Variants in SEMA4D observed in about 807,000 individuals in gnomAD.
The protein encoded by SEMA4D is semaphorin 4D, also known as semaphorin-4D.
In SEMA4D, 22 loss-of-function variants were observed where a neutral mutation model predicts 74.8. That is an observed-to-expected ratio of 0.29 (90% CI 0.21 to 0.42). The LOEUF (loss-of-function observed/expected upper bound fraction) is 0.42, where lower values mean the gene tolerates loss of function less well. Ranked by LOEUF, SEMA4D falls within the 10% of genes least tolerant of loss-of-function variation. The probability of loss-of-function intolerance (pLI) is 1.00; values close to 1 mark genes in which losing one functional copy is unlikely to be tolerated. For synonymous variants in SEMA4D, 445 were observed against 463.7 expected (o/e 0.96, Z 0.52); for missense variants, 937 against 1,118.4 (o/e 0.84, Z 2.31).
At chr9:89,450,343 G>GAC (rs1269553014) in intron 2 of SEMA4D, 1 of 941,764 alleles carries the variant, frequency 1.1e-6, no homozygotes, top group Non-Finnish European at 1.8e-6. Flanking sequence ...ATGAAAACTT[G>GAC]ACATGCCTTC....
At chr9:89,408,072 C>G (rs1843692053) in intron 2 of SEMA4D, among the ~76,000 whole-genome samples, 1 of 152,270 alleles carries the variant, frequency 6.6e-6, no homozygotes, top group African/African-American at 2.4e-5. Flanking sequence ...ACATTTGCAG[C>G]TCCTTGCCAT....
intron 2 of SEMA4D, among the ~76,000 whole-genome samples, chr9:89,427,287 TAC>T (rs1848307885): frequency 1.3e-5 from 2 of 152,170 alleles, no homozygotes; most frequent in African/African-American, 2.4e-5. Flanking sequence ...CCTAAAATGA[TAC>T]AGTCAGTCAC....
At position 89,450,660 on chromosome 9, in the gene SEMA4D, G is replaced by GGAAAAAAAAAA. The variant is rs1491451024; in HGVS notation, c.-244+5227_-244+5228insTTTTTTTTTTC. The GGAAAAAAAAAA allele has an allele frequency of 9.3e-4, 401 of 430,292 alleles. 43 individuals are homozygous for GGAAAAAAAAAA. The highest frequency in any genetic ancestry group is 2.2e-3 in the Middle Eastern group (3 of 1,364). 26.7% of individuals were successfully genotyped at this position (430,292 alleles called of 1,614,324 possible). A position where few individuals can be genotyped will look rare whatever the true frequency, so the allele number is the denominator to read the frequency against. ...GAGTTCTGCAAGTCGAAAAACCCAG[G>GGAAAAAAAAAA]AAAAAAAAAAAAAAAAAAAAAAAAA... On this transcript the variant is annotated intron_variant, in intron 2 of 15. Coordinates refer to ENST00000422704, the MANE Select transcript of SEMA4D (RefSeq NM_001371194.2).
chr9:89,476,168 C>A (rs1009513394), intron 1 of SEMA4D, among the ~76,000 whole-genome samples: 3 of 152,182 alleles, frequency 2.0e-5, no homozygotes, highest in Admixed American at 6.5e-5. Context: ...GATCTCTGGG[C>A]AAGAATAACA....
chr9:89,408,409 G>C (rs1268599399), intron 2 of SEMA4D, among the ~76,000 whole-genome samples: 2 of 152,162 alleles, frequency 1.3e-5, no homozygotes, highest in South Asian at 2.1e-4. Context: ...ACATAAGAAA[G>C]GATGGTAACA....
At position 89,442,522 on chromosome 9, in the gene SEMA4D, G is replaced by A. The variant is rs1851896715; in HGVS notation, c.-244+13366C>T. Among the ~76,000 whole-genome samples the A allele has an allele frequency of 2.6e-5, 4 of 152,260 alleles. No homozygotes were observed. In the South Asian group the frequency reaches 8.3e-4, roughly 32 times the overall value. On this transcript the variant is annotated intron_variant, in intron 2 of 15. Transcript: ENST00000422704. ...AGCAGCAAGGAGGGGAGGAGGGGTG[G>A]GCGCCATCTGAAACCATGCATAAAA...
At chr9:89,369,971 ATG>A (rs1268914769) in intron 16 of SEMA4D, among the ~76,000 whole-genome samples, 1 of 150,956 alleles carries the variant, frequency 6.6e-6, no homozygotes, top group African/African-American at 2.4e-5. Context: ...TGTGTGCAGT[ATG>A]TGTGGTGGTG....
rs1355567028 is a variant in SEMA4D at position 89,492,485 on chromosome 9, C to G, written c.-310+5434G>C. Among the ~76,000 whole-genome samples, 1 of 152,138 alleles carries G rather than the reference C, an allele frequency of 6.6e-6. No individual in the cohort carries two copies. The highest frequency in any genetic ancestry group is 1.5e-5 in the Non-Finnish European group (1 of 68,018). ...AGGGTCCCAGCTCAGAGCACTCCCC[C>G]AAACTCCAGATCCCTTCCTCCAACT... is the stretch of plus-strand genomic sequence containing the variant. On this transcript the variant is annotated intron_variant, in intron 1 of 15. Coordinates refer to ENST00000422704, the MANE Select transcript of SEMA4D (RefSeq NM_001371194.2). This position sits in a 1 kb window ranked among gnomAD's most constrained non-coding sequence, Gnocchi z 4.3.
At chr9:89,462,459 G>A (rs866782021) in intron 1 of SEMA4D, among the ~76,000 whole-genome samples, 8 of 152,164 alleles carry the variant, frequency 5.3e-5, no homozygotes, top group East Asian at 1.9e-4. Context: ...GCAGGCAACC[G>A]GCTGATAAAA....
chr9:89,472,463 G>T, intron 1 of SEMA4D: 1 of 165,296 alleles, frequency 6.0e-6, no homozygotes, highest in South Asian at 5.2e-5. Context: ...CCTAAACACT[G>T]AGAAGCACCC....
At chr9:89,436,155 T>C (rs1178305332) in intron 2 of SEMA4D, among the ~76,000 whole-genome samples, 1 of 152,226 alleles carries the variant, frequency 6.6e-6, no homozygotes, top group Non-Finnish European at 1.5e-5. Context: ...TTTCCTCTGG[T>C]TGTCCAGAAG....
At chr9:89,408,531 C>A (rs929547833) in intron 2 of SEMA4D, among the ~76,000 whole-genome samples, 1 of 152,222 alleles carries the variant, frequency 6.6e-6, no homozygotes, top group African/African-American at 2.4e-5. Context: ...TCCTTTCTCC[C>A]GTTCCATGTG....
intron 2 of SEMA4D, among the ~76,000 whole-genome samples, chr9:89,413,325 G>C (rs1844936301): frequency 6.6e-6 from 1 of 152,198 alleles, no homozygotes; most frequent in Non-Finnish European, 1.5e-5. Flanking sequence ...TTGTCAGAAG[G>C]CAGCTCTCCC....
At chr9:89,479,756 G>T (rs62551176) in intron 1 of SEMA4D, 3 of 107,724 alleles carry the variant, frequency 2.8e-5, no homozygotes, top group Non-Finnish European at 6.0e-5. Context: ...GTCTCGCTGG[G>T]CTCAGGAGTG....
intron 2 of SEMA4D, among the ~76,000 whole-genome samples, chr9:89,455,518 G>A (rs1855724951): frequency 6.6e-6 from 1 of 152,180 alleles, no homozygotes; most frequent in Admixed American, 6.5e-5. Context: ...GACAGTCCAG[G>A]CAGGGGCACC....
intron 2 of SEMA4D, among the ~76,000 whole-genome samples, chr9:89,420,078 G>T (rs1203014965): frequency 6.6e-6 from 1 of 152,158 alleles, no homozygotes; most frequent in Non-Finnish European, 1.5e-5. Flanking sequence ...GCAGGTCTGG[G>T]TTCTCATCTC....
At chr9:89,441,062 C>T (rs1333648984) in intron 2 of SEMA4D, among the ~76,000 whole-genome samples, 1 of 152,264 alleles carries the variant, frequency 6.6e-6, no homozygotes, top group East Asian at 1.9e-4. Context: ...AGCCACTCTC[C>T]TGGGCAAGCT....
At chr9:89,476,583 T>C (rs1416441320) in intron 1 of SEMA4D, among the ~76,000 whole-genome samples, 3 of 152,208 alleles carry the variant, frequency 2.0e-5, no homozygotes, top group Non-Finnish European at 4.4e-5. Flanking sequence ...CAGCCTTCCA[T>C]TGAGCTGCAA....
At chr9:89,497,020 G>C (rs1362315314) in intron 1 of SEMA4D, among the ~76,000 whole-genome samples, 2 of 152,192 alleles carry the variant, frequency 1.3e-5, no homozygotes, top group Non-Finnish European at 2.9e-5. Flanking sequence ...ACTTCATGTG[G>C]AAAACCTTCC....
Sources: allele counts gnomAD v4.1 joint callset (sites outside exome capture counted in the v4.1 genomes callset), GRCh38; gene constraint gnomAD v4.1.1; non-coding constraint Gnocchi (gnomAD v3.1); transcripts MANE v1.5; gene names NCBI Gene and HGNC (gene_info 2026-07-23, HGNC 2026-07-21).